Variants in SDK2 observed in about 807,000 individuals in gnomAD.
SDK2 encodes sidekick cell adhesion molecule 2, also known as protein sidekick-2.
In SDK2, 105 loss-of-function variants were observed where a neutral mutation model predicts 253.9. The ratio of observed to expected loss-of-function variants is 0.41; its 90% CI spans 0.35 to 0.49. The LOEUF (loss-of-function observed/expected upper bound fraction) is 0.49. Ranked by LOEUF, SDK2 falls within the 20% of genes least tolerant of loss-of-function variation. The pLI is 0.06. For synonymous variants in SDK2, 1,249 were observed against 1,234.9 expected (o/e 1.01, Z -0.24); for missense variants, 2,608 against 3,003.0 (o/e 0.87, Z 3.07).
intron 44 of SDK2, among the ~76,000 whole-genome samples, chr17:73,343,161 G>C (rs1388810961): frequency 6.6e-6 from 1 of 152,206 alleles, no homozygotes; most frequent in African/African-American, 2.4e-5. Context: ...GACCATCCCC[G>C]TCCTACCAGC....
chr17:73,349,552 C>A (rs1353728244), intron 43 of SDK2, among the ~76,000 whole-genome samples: 1 of 152,176 alleles, frequency 6.6e-6, no homozygotes, highest in Non-Finnish European at 1.5e-5. Context: ...TGGAAATGGG[C>A]AGCCCGATGG....
At chr17:73,427,633 A>G in intron 12 of SDK2, among the ~76,000 whole-genome samples, 1 of 131,558 alleles carries the variant, frequency 7.6e-6, no homozygotes, top group East Asian at 2.2e-4. Context: ...AAACCTTGAC[A>G]TCCACATGCA....
intron 2 of SDK2, among the ~76,000 whole-genome samples, chr17:73,500,289 C>A (rs540769086): frequency 6.9e-6 from 1 of 144,476 alleles, no homozygotes; most frequent in Non-Finnish European, 1.5e-5. Context: ...CTCCATCCTC[C>A]TTCCATCTCC....
Position 73,386,469 on chromosome 17 carries a change from C to A in SDK2, c.4474G>T (p.Glu1492Ter). Reference protein sequence around the residue: ...IGDSEFSEESESLTTLQAAPD... With the variant: ...IGDSEFSEES ...CCAGCCTGCAGGGTGGTCAGTGACTCCGACTCCTCGCTGAACTCGCTGTCG... is the reference window on the plus strand; with the variant it reads ...CCAGCCTGCAGGGTGGTCAGTGACTACGACTCCTCGCTGAACTCGCTGTCG... Residue 1492 changes from glutamate to a stop codon, truncating the protein, a stop_gained, in exon 31 of 45, where the codon GAG becomes TAG. Coordinates refer to ENST00000392650, the MANE Select transcript of SDK2 (RefSeq NM_001144952.2). LOFTEE classifies it high-confidence loss of function. 1 of 1,559,728 alleles carries A rather than the reference C, an allele frequency of 6.4e-7. No individual in the cohort carries two copies. The highest frequency in any genetic ancestry group is 8.7e-7 in the Non-Finnish European group (1 of 1,151,610).
intron 6 of SDK2, among the ~76,000 whole-genome samples, chr17:73,439,023 C>T (rs1419334297): frequency 6.6e-6 from 1 of 152,206 alleles, no homozygotes; most frequent in Non-Finnish European, 1.5e-5. Flanking sequence ...GGATGTGTGT[C>T]CTCTCCAAGT....
Position 73,395,469 on chromosome 17 carries a change from T to C in SDK2, c.3355-77A>G, listed in dbSNP as rs1328823487. On this transcript the variant is annotated intron_variant, in intron 24 of 44. Coordinates refer to ENST00000392650, the MANE Select transcript of SDK2 (RefSeq NM_001144952.2). The surrounding 1 kb of genome is among the most constrained non-coding windows in gnomAD (Gnocchi z 4.3). ...GCAGGGAGGAACTGCCCTGCTACCCTCTCCTCCAGGGCGCCTTCAGGGCTA... is the reference window on the plus strand; with the variant it reads ...GCAGGGAGGAACTGCCCTGCTACCCCCTCCTCCAGGGCGCCTTCAGGGCTA... 2.4e-6 allele frequency: 3 copies of C among 1,236,856 alleles called. No individual in the cohort carries two copies. The highest frequency in any genetic ancestry group is 3.5e-6 in the Non-Finnish European group (3 of 858,296). The allele number at this position is 1,236,856 out of a possible 1,614,324, so 76.6% of individuals were successfully genotyped here. A position where few individuals can be genotyped will look rare whatever the true frequency, so the allele number is the denominator to read the frequency against.
Position 73,422,356 on chromosome 17 carries a change from C to T in SDK2, c.1976G>A (p.Arg659His), listed in dbSNP as rs367622362. The T allele has an allele frequency of 1.4e-5, 22 of 1,613,846 alleles. No homozygotes were observed. The highest frequency in any genetic ancestry group is 6.7e-5 in the African/African-American group (5 of 74,912). ...SVTVKGLVPA[R>H]SYQFRLCAVN... is the part of the protein sequence containing the mutation. The stretch of plus-strand genomic sequence containing the variant: ...GGCACAAAGACGGAACTGGTAGGAG[C>T]GTGCAGGAACCAGGCCCTTGACTGT... Residue 659 changes from arginine (R) to histidine (H), a missense_variant, in exon 15 of 45, where the codon CGC (arginine) becomes CAC (histidine). This residue lies in a region of SDK2 where 1,505 missense variants were observed against 1,859.1 expected (regional missense o/e 0.81). Coordinates refer to ENST00000392650, the MANE Select transcript of SDK2 (RefSeq NM_001144952.2).
At chr17:73,444,550 A>G (rs2063438455) in intron 5 of SDK2, among the ~76,000 whole-genome samples, 2 of 152,218 alleles carry the variant, frequency 1.3e-5, no homozygotes, top group African/African-American at 4.8e-5. Flanking sequence ...TTTGCGTAAC[A>G]GCCAGGACAA....
intron 1 of SDK2, among the ~76,000 whole-genome samples, chr17:73,579,748 A>G (rs555269705): frequency 3.9e-4 from 60 of 152,272 alleles, no homozygotes; most frequent in African/African-American, 9.9e-4. Flanking sequence ...AGGCCAAGGC[A>G]GGTGGATCAC....
chr17:73,438,818 G>T (rs187756638), intron 6 of SDK2, among the ~76,000 whole-genome samples: 1 of 152,128 alleles, frequency 6.6e-6, no homozygotes, highest in Non-Finnish European at 1.5e-5. Flanking sequence ...CTTCCAAAGT[G>T]GGCCCCTGCT....
At chr17:73,538,173 G>C (rs1045140696) in intron 1 of SDK2, among the ~76,000 whole-genome samples, 1 of 152,208 alleles carries the variant, frequency 6.6e-6, no homozygotes, top group African/African-American at 2.4e-5. Flanking sequence ...TCAGAAGCCA[G>C]ACAGACTGAC....
chr17:73,359,460 G>A (rs2062622881), intron 39 of SDK2, among the ~76,000 whole-genome samples: 1 of 152,192 alleles, frequency 6.6e-6, no homozygotes, highest in Non-Finnish European at 1.5e-5. Flanking sequence ...CACGCCTGAG[G>A]GAGTATGGTA....
In SDK2 at chr17:73,400,234, G is replaced by A. The variant is rs75321483; in HGVS notation, c.2971+786C>T. ...GGGGACACAGAACTTGCTCAAGGTT[G>A]TAGGGCTTGGCAGAAGCAGAGCTGA... On this transcript the variant is annotated intron_variant, in intron 21 of 44. Coordinates refer to ENST00000392650, the MANE Select transcript of SDK2 (RefSeq NM_001144952.2). 1.2e-3 allele frequency among the ~76,000 whole-genome samples: 188 copies of A among 152,332 alleles called. 1 individual carries two copies. The highest frequency in any genetic ancestry group is 4.4e-3 in the African/African-American group (182 of 41,568).
At chr17:73,569,379 G>A (rs975671364) in intron 1 of SDK2, among the ~76,000 whole-genome samples, 2 of 151,948 alleles carry the variant, frequency 1.3e-5, no homozygotes, top group Admixed American at 1.3e-4. Context: ...TGTATTTTTA[G>A]TAGAGACGGG....
At chr17:73,614,314 C>T (rs981515402) in intron 1 of SDK2, among the ~76,000 whole-genome samples, 3 of 152,134 alleles carry the variant, frequency 2.0e-5, no homozygotes, top group Non-Finnish European at 4.4e-5. Flanking sequence ...GAAAGCTTCT[C>T]GAACCCGAGG....
At chr17:73,569,034 C>G (rs2045346808) in intron 1 of SDK2, among the ~76,000 whole-genome samples, 1 of 152,176 alleles carries the variant, frequency 6.6e-6, no homozygotes, top group Non-Finnish European at 1.5e-5. Context: ...GAACCAGGAA[C>G]TGCTGTCTCC....
intron 2 of SDK2, among the ~76,000 whole-genome samples, chr17:73,487,227 C>CA (rs2063775190): frequency 6.6e-6 from 1 of 152,224 alleles, no homozygotes. Context: ...AGCCACTGTG[C>CA]CCAGCCAGTA....
Position 73,338,375 on chromosome 17 carries a change from C to T in SDK2, c.*212G>A, listed in dbSNP as rs1263721894. 7.3e-6 allele frequency: 5 copies of T among 686,974 alleles called. No individual in the cohort carries two copies. The highest frequency in any genetic ancestry group is 1.3e-5 in the Non-Finnish European group (5 of 375,110). 42.6% of individuals were successfully genotyped at this position (686,974 alleles called of 1,614,324 possible). ...AGCAGTGAACCCCACCATCTCAAAGCTGAAGAGCTGCTGGCCACACACATC... is the reference window on the plus strand; with the variant it reads ...AGCAGTGAACCCCACCATCTCAAAGTTGAAGAGCTGCTGGCCACACACATC... On this transcript the variant is annotated 3_prime_UTR_variant, in exon 45 of 45. Coordinates refer to ENST00000392650, the MANE Select transcript of SDK2 (RefSeq NM_001144952.2). The surrounding 1 kb of genome is among the most constrained non-coding windows in gnomAD (Gnocchi z 5.0).
chr17:73,429,200 A>G (rs1320315865), intron 12 of SDK2, among the ~76,000 whole-genome samples: 1 of 152,162 alleles, frequency 6.6e-6, no homozygotes, highest in Non-Finnish European at 1.5e-5. Flanking sequence ...TACACAATGA[A>G]TGGGCCCGAG....
Sources: allele counts gnomAD v4.1 joint callset (sites outside exome capture counted in the v4.1 genomes callset), GRCh38; gene constraint gnomAD v4.1.1; regional missense constraint gnomAD v4.1.1; non-coding constraint Gnocchi (gnomAD v3.1); transcripts MANE v1.5; gene names NCBI Gene and HGNC (gene_info 2026-07-23, HGNC 2026-07-21).